Variants in NDC1 observed in about 807,000 individuals in gnomAD.
NDC1 encodes the protein NDC1 transmembrane nucleoporin.
Under a neutral mutation model 89.8 loss-of-function variants are expected in NDC1, and 24 were observed. The observed-to-expected ratio is 0.27, with a 90% confidence interval of 0.19 to 0.38. NDC1 has a LOEUF of 0.38. Among genes scored for constraint, NDC1 ranks in the 10% least tolerant of loss-of-function variants. NDC1 has a pLI of 1.00. For synonymous variants in NDC1, 296 were observed against 284.8 expected, an observed-to-expected ratio of 1.04 and a Z score of -0.39; for missense variants, 728 against 797.6, an observed-to-expected ratio of 0.91 and a Z score of 1.05.
intron 6 of NDC1, among the ~76,000 whole-genome samples, chr1:53,815,185 T>C (rs1026547186): frequency 6.6e-6 from 1 of 152,168 alleles, no homozygotes; most frequent in Admixed American, 6.5e-5. Flanking sequence ...TTGATGAATA[T>C]TGATGCTAAA....
chr1:53,811,745 A>T (rs1051503884), intron 6 of NDC1, among the ~76,000 whole-genome samples: 4 of 149,988 alleles, frequency 2.7e-5, no homozygotes, highest in Non-Finnish European at 4.4e-5. Context: ...CCCTCTCCAC[A>T]CTACTACAGC....
At chr1:53,799,829 T>C (rs1308148348) in intron 11 of NDC1, among the ~76,000 whole-genome samples, 2 of 152,350 alleles carry the variant, frequency 1.3e-5, no homozygotes, top group Middle Eastern at 3.4e-3. Flanking sequence ...CTTACATTCA[T>C]AGGTGTCTTC....
chr1:53,826,395 A>G (rs1456974183), intron 4 of NDC1, among the ~76,000 whole-genome samples: 1 of 152,240 alleles, frequency 6.6e-6, no homozygotes, highest in Admixed American at 6.5e-5. Context: ...AAGCAGATAG[A>G]GTCCCATACA....
chr1:53,785,798 T>A (rs953177624), intron 16 of NDC1, among the ~76,000 whole-genome samples: 1 of 152,154 alleles, frequency 6.6e-6, no homozygotes, highest in South Asian at 2.1e-4. Context: ...CTTCTCTTCA[T>A]ATCTTAAATG....
chr1:53,811,733 G>A (rs1414034306), intron 6 of NDC1, among the ~76,000 whole-genome samples: 2 of 150,446 alleles, frequency 1.3e-5, no homozygotes, highest in Non-Finnish European at 2.9e-5. Context: ...CCCACTGCCA[G>A]TCCCTCTCCA....
intron 4 of NDC1, among the ~76,000 whole-genome samples, chr1:53,827,654 T>C (rs1274067519): frequency 1.3e-5 from 2 of 152,182 alleles, no homozygotes; most frequent in Non-Finnish European, 2.9e-5. Flanking sequence ...TGTGGATCCC[T>C]CTTGTTTTCT....
Position 53,819,473 on chromosome 1 carries a change from T to C in NDC1, c.595-394A>G, listed in dbSNP as rs75647806. 1.1e-3 allele frequency among the ~76,000 whole-genome samples: 160 copies of C among 152,306 alleles called. 1 individual carries two copies. In the East Asian group the frequency reaches 0.027, roughly 26 times the overall value. On this transcript the variant is annotated intron_variant, in intron 5 of 17. Transcript: ENST00000371429. ...ATTCATTTAAACCTCATAAGAACCC[T>C]GTAAGGGAGTTTTTACTACTACCCT...
At chr1:53,783,120 G>A (rs1025191582) in intron 16 of NDC1, among the ~76,000 whole-genome samples, 5 of 152,096 alleles carry the variant, frequency 3.3e-5, no homozygotes, top group African/African-American at 7.2e-5. Context: ...AAGATCTGGC[G>A]GTGGAGTACT....
chr1:53,797,896 G>T (rs991931164), intron 11 of NDC1, among the ~76,000 whole-genome samples: 1 of 152,054 alleles, frequency 6.6e-6, no homozygotes, highest in African/African-American at 2.4e-5. Flanking sequence ...CAAAGTGCTA[G>T]AATTATAGGC....
chr1:53,818,398 G>A lies in NDC1; in HGVS notation c.703+573C>T, dbSNP rs138811289. On this transcript the variant is annotated intron_variant, in intron 6 of 17. Coordinates refer to ENST00000371429, the MANE Select transcript of NDC1 (RefSeq NM_018087.5). The stretch of plus-strand genomic sequence containing the variant: ...GGAGGTTGCAGTGAGCCAAGATCGC[G>A]CCATTACGCTCCAGCCTGGGTGACA... Among the ~76,000 whole-genome samples, 741 of 150,860 alleles carry A rather than the reference G, an allele frequency of 4.9e-3. 2 individuals are homozygous for A. The highest frequency in any genetic ancestry group is 0.034 in the Middle Eastern group (10 of 294).
At position 53,766,199 on chromosome 1, in the gene NDC1, CAAGT is replaced by C. The variant is rs948144520; in HGVS notation, c.*1767_*1770del. On this transcript the variant is annotated 3_prime_UTR_variant, in exon 18 of 18. Transcript: ENST00000371429. ...ACCTAACCTAGCTGGACATTTTATA[CAAGT>C]AAGTCAAAGTTCAAAGGAATCATCC... 1.3e-5 allele frequency: 2 copies of C among 152,114 alleles called. No individual in the cohort carries two copies. The highest frequency in any genetic ancestry group is 2.9e-5 in the Non-Finnish European group (2 of 68,032). 9.4% of individuals were successfully genotyped at this position (152,114 alleles called of 1,614,324 possible).
intron 9 of NDC1, 47 bp from the exon 10 acceptor site, chr1:53,804,056 A>T (rs1297100165): frequency 7.3e-7 from 1 of 1,379,040 alleles, no homozygotes; most frequent in East Asian, 2.3e-5. Context: ...TTTAACCTCT[A>T]CATAAAATCT....
chr1:53,773,194 C>A (rs548543024), intron 16 of NDC1, among the ~76,000 whole-genome samples: 1 of 151,866 alleles, frequency 6.6e-6, no homozygotes, highest in African/African-American at 2.4e-5. Context: ...ATTTATGATA[C>A]TGTTACATCA....
At chr1:53,828,499 A>ATT (rs397700607) in intron 3 of NDC1, among the ~76,000 whole-genome samples, 1 of 150,194 alleles carries the variant, frequency 6.7e-6, no homozygotes, top group African/African-American at 2.4e-5. Flanking sequence ...AAGAATAATG[A>ATT]TTTTTTTTTT....
rs747364191 is a variant in NDC1, at chr1:53,804,015, A to AG, written c.985-7dup. On this transcript the variant is annotated splice_polypyrimidine_tract_variant and splice_region_variant and intron_variant, in intron 9 of 17. Transcript: ENST00000371429. ...AGGTCCTGCAAGGCTAAATACTAAC[A>AG]GGGGGAAAAAACACATATTATTTAA... 1.8e-4 allele frequency: 290 copies of AG among 1,607,646 alleles called. 1 individual carries two copies. The African/African-American group carries it at 3.7e-3, about 20-fold the overall frequency.
At chr1:53,768,093 C>A in intron 17 of NDC1, 60 bp from the exon 18 acceptor site, 1 of 1,052,902 alleles carries the variant, frequency 9.5e-7, no homozygotes, top group Non-Finnish European at 1.4e-6. Context: ...ATTAAGTGAA[C>A]CACAGAGCAC....
intron 3 of NDC1, among the ~76,000 whole-genome samples, chr1:53,832,082 C>A (rs903595359): frequency 1.3e-4 from 20 of 151,936 alleles, no homozygotes; most frequent in Non-Finnish European, 2.6e-4. Context: ...TTTTTAAGTA[C>A]ACAGTTCTGC....
rs778167892 is a variant in NDC1, at chr1:53,832,547, G to A, written c.223C>T (p.Leu75=). 1.9e-6 allele frequency: 3 copies of A among 1,600,848 alleles called. No individual in the cohort carries two copies. The highest frequency in any genetic ancestry group is 1.7e-6 in the Non-Finnish European group (2 of 1,168,318). ...ATTATTATTACCACTGACAGCAGCA[G>A]GAAGTAAAAGATTACATAGGAACTA... is the stretch of plus-strand genomic sequence containing the variant. The part of the protein sequence containing the change: ...LYSSYVIFYF[L]LLSVVIIIIS... Residue 75 remains leucine, a synonymous_variant, in exon 3 of 18, where the codon CTG becomes TTG. Transcript: ENST00000371429.
At chr1:53,780,233 C>T (rs928499169) in intron 16 of NDC1, among the ~76,000 whole-genome samples, 4 of 152,094 alleles carry the variant, frequency 2.6e-5, no homozygotes, top group Admixed American at 6.6e-5. Context: ...CCACCACCCC[C>T]GGCTAATTTT....
Sources: gnomAD v4.1 joint callset for allele counts (sites outside exome capture counted in the v4.1 genomes callset) on GRCh38, gnomAD v4.1.1 for gene constraint, MANE v1.5 for transcripts, NCBI Gene and HGNC (gene_info 2026-07-23, HGNC 2026-07-21) for gene names.